FCMR: variants seen among roughly 807,000 people sequenced by gnomAD.
FCMR encodes immunoglobulin mu Fc receptor.
Under a neutral mutation model 41.6 loss-of-function variants are expected in FCMR, and 34 were observed. That is an observed-to-expected ratio of 0.82 (90% confidence interval 0.62 to 1.09). The LOEUF (loss-of-function observed/expected upper bound fraction) is 1.09. Among genes scored for constraint, FCMR ranks in the 50% least tolerant of loss-of-function variants. FCMR has a pLI of 0.00. For synonymous variants in FCMR, 209 were observed against 211.8 expected, an observed-to-expected ratio of 0.99 and a Z score of 0.12; for missense variants, 496 against 512.5, an observed-to-expected ratio of 0.97 and a Z score of 0.31.
rs1299092629 is a variant in FCMR at position 206,909,428 on chromosome 1, C to G, written c.1044+34G>C. ...CAGGGCTGGGGCCGCCCAGTCGGGC[C>G]GCGGCTGCCAATCAGGGCAGGAGCG... On this transcript the variant is annotated intron_variant, in intron 7 of 7. Coordinates refer to ENST00000367091, the MANE Select transcript of FCMR (RefSeq NM_005449.5). This position sits in a 1 kb window ranked among gnomAD's most constrained non-coding sequence, Gnocchi z 5.0. 4.9e-6 allele frequency: 6 copies of G among 1,217,560 alleles called. No homozygotes were observed. Among genetic ancestry groups the G allele is most frequent in the Non-Finnish European group, 6.2e-6 (6 of 972,994 alleles). The allele number at this position is 1,217,560 out of a possible 1,614,324, so 75.4% of individuals were successfully genotyped here. A position where few individuals can be genotyped will look rare whatever the true frequency, so the allele number is the denominator to read the frequency against.
Position 206,921,916 on chromosome 1 carries a change from G to C in FCMR, c.-62C>G, listed in dbSNP as rs1679456978. The C allele has an allele frequency of 6.9e-7, 1 of 1,454,408 alleles. No homozygotes were observed. Among genetic ancestry groups the C allele is most frequent in the Non-Finnish European group, 9.7e-7 (1 of 1,035,312 alleles). 90.1% of individuals were successfully genotyped at this position (1,454,408 alleles called of 1,614,324 possible). On this transcript the variant is annotated 5_prime_UTR_variant, in exon 1 of 8. Transcript: ENST00000367091. ...CTAGAGAGGGGGATGGAGACACGCTGCTTACTCAGGAACCCTTCACAATCT... is the reference window on the plus strand; with the variant it reads ...CTAGAGAGGGGGATGGAGACACGCTCCTTACTCAGGAACCCTTCACAATCT...
chr1:206,907,811 A>C (rs1333729429), intron 7 of FCMR: 7 of 1,396,538 alleles, frequency 5.0e-6, no homozygotes, highest in Non-Finnish European at 7.1e-6. Context: ...GATGAACACC[A>C]ACCCTTCCCG....
rs1299092629 is a variant in FCMR, at chr1:206,909,428, C to A, written c.1044+34G>T. On this transcript the variant is annotated intron_variant, in intron 7 of 7. Transcript: ENST00000367091. The surrounding 1 kb of genome is among the most constrained non-coding windows in gnomAD (Gnocchi z 5.0). ...CAGGGCTGGGGCCGCCCAGTCGGGCCGCGGCTGCCAATCAGGGCAGGAGCG... is the reference window on the plus strand; with the variant it reads ...CAGGGCTGGGGCCGCCCAGTCGGGCAGCGGCTGCCAATCAGGGCAGGAGCG... 5.7e-6 allele frequency: 7 copies of A among 1,217,450 alleles called. No individual in the cohort carries two copies. In the South Asian group the frequency reaches 2.0e-4, roughly 34 times the overall value. The allele number at this position is 1,217,450 out of a possible 1,614,324, so 75.4% of individuals were successfully genotyped here.
rs1460055453 is a variant in FCMR, at chr1:206,919,836, G to A, written c.37+1982C>T. ...CTCTTCCTCCTCAGGCCTAAGTTTA[G>A]TTAACCAACCACCGTGCCCTCCTAT... On this transcript the variant is annotated intron_variant, in intron 1 of 7. Coordinates refer to ENST00000367091, the MANE Select transcript of FCMR (RefSeq NM_005449.5). Among the ~76,000 whole-genome samples the A allele has an allele frequency of 2.0e-5, 3 of 152,140 alleles. No homozygotes were observed. In the East Asian group the frequency reaches 5.8e-4, roughly 29 times the overall value.
At chr1:206,911,535 A>C (rs971526392) in intron 4 of FCMR, among the ~76,000 whole-genome samples, 195 bp downstream of exon 4, 1 of 152,222 alleles carries the variant, frequency 6.6e-6, no homozygotes, top group South Asian at 2.1e-4. Flanking sequence ...TTTCTACAGG[A>C]TCAATGCTGG....
In FCMR at chr1:206,909,657, C is replaced by G. The variant is rs1678831279; in HGVS notation, c.985+68G>C. The G allele has an allele frequency of 7.4e-7, 1 of 1,352,394 alleles. No individual in the cohort carries two copies. 83.8% of individuals were successfully genotyped at this position (1,352,394 alleles called of 1,614,324 possible). A position where few individuals can be genotyped will look rare whatever the true frequency, so the allele number is the denominator to read the frequency against. Reference sequence around the variant, plus strand: ...CCCTGGCACCTGGGAGCGCGCCCCGCTGCGCCCGGCTTTCCCGGAGCCAGC... The same window carrying G: ...CCCTGGCACCTGGGAGCGCGCCCCGGTGCGCCCGGCTTTCCCGGAGCCAGC... On this transcript the variant is annotated intron_variant, in intron 6 of 7. Transcript: ENST00000367091. This position sits in a 1 kb window ranked among gnomAD's most constrained non-coding sequence, Gnocchi z 5.0.
chr1:206,907,103 T>TGGGGGGGGGGGGGG (rs75679471), intron 7 of FCMR, among the ~76,000 whole-genome samples: 1 of 43,388 alleles, frequency 2.3e-5, no homozygotes, highest in Admixed American at 2.3e-4. Flanking sequence ...GGTGGGGGGG[T>TGGGGGGGGGGGGGG]GGGGGGGGGG....
chr1:206,904,831 G>A lies in FCMR; in HGVS notation c.*188C>T, dbSNP rs1332329285. The A allele has an allele frequency of 1.9e-5, 12 of 621,400 alleles. No homozygotes were observed. The Middle Eastern group carries it at 2.6e-3, about 137-fold the overall frequency. The allele number at this position is 621,400 out of a possible 1,614,324, so 38.5% of individuals were successfully genotyped here. Reference sequence around the variant, plus strand: ...CTGTCAACTACAGGGGGCTGCCAAGGTGTGCAAGACGACCTGGGGGCAGAG... The same window carrying A: ...CTGTCAACTACAGGGGGCTGCCAAGATGTGCAAGACGACCTGGGGGCAGAG... On this transcript the variant is annotated 3_prime_UTR_variant, in exon 8 of 8. Transcript: ENST00000367091.
chr1:206,918,753 A>G (rs912324040), intron 1 of FCMR, among the ~76,000 whole-genome samples: 1 of 151,380 alleles, frequency 6.6e-6, no homozygotes. Context: ...TCATTAGTCA[A>G]GGTAAAAAGG....
Position 206,921,328 on chromosome 1 carries a change from C to G in FCMR, c.37+490G>C, listed in dbSNP as rs1286395840. The G allele has an allele frequency of 1.3e-5, 5 of 384,292 alleles. No homozygotes were observed. The Admixed American group carries it at 1.4e-4, about 11-fold the overall frequency. The allele number at this position is 384,292 out of a possible 1,614,324, so 23.8% of individuals were successfully genotyped here. On this transcript the variant is annotated intron_variant, in intron 1 of 7. Coordinates refer to ENST00000367091, the MANE Select transcript of FCMR (RefSeq NM_005449.5). ...TTAAGAGTTAACACCTGGCTGGGCA[C>G]AGTGGCTCACACCTGTAATCCCAGC... is the stretch of plus-strand genomic sequence containing the variant.
intron 1 of FCMR, among the ~76,000 whole-genome samples, chr1:206,918,610 A>G (rs1235527158): frequency 6.6e-6 from 1 of 151,758 alleles, no homozygotes; most frequent in Non-Finnish European, 1.5e-5. Flanking sequence ...GCTGAAGCCT[A>G]GAACTCATCT....
At chr1:206,912,082 AG>A in intron 3 of FCMR, 130 bp from the exon 4 acceptor site, 1 of 691,696 alleles carries the variant, frequency 1.4e-6, no homozygotes, top group Non-Finnish European at 2.4e-6. Context: ...TGCAGTCCTC[AG>A]GGCCTAAAAT....
chr1:206,909,688 C>G lies in FCMR; in HGVS notation c.985+37G>C. 4 of 1,387,338 alleles carry G rather than the reference C, an allele frequency of 2.9e-6. No individual in the cohort carries two copies. Among genetic ancestry groups the G allele is most frequent in the Non-Finnish European group, 3.7e-6 (4 of 1,082,202 alleles). The allele number at this position is 1,387,338 out of a possible 1,614,324, so 85.9% of individuals were successfully genotyped here. Reference sequence around the variant, plus strand: ...CCGGCTTTCCCGGAGCCAGCGCACTCTTTCCGCTACTCCCCGTGGCCCGCC... The same window carrying G: ...CCGGCTTTCCCGGAGCCAGCGCACTGTTTCCGCTACTCCCCGTGGCCCGCC... On this transcript the variant is annotated intron_variant, in intron 6 of 7. Transcript: ENST00000367091. This position sits in a 1 kb window ranked among gnomAD's most constrained non-coding sequence, Gnocchi z 5.0.
At chr1:206,915,292 G>C (rs1679141260) in intron 1 of FCMR, among the ~76,000 whole-genome samples, 1 of 152,186 alleles carries the variant, frequency 6.6e-6, no homozygotes, top group African/African-American at 2.4e-5. Flanking sequence ...GATGTAGGCT[G>C]TTGCAGGGGG....
chr1:206,914,309 C>CT (rs1419892011), intron 1 of FCMR, among the ~76,000 whole-genome samples: 1 of 114,042 alleles, frequency 8.8e-6, no homozygotes, highest in South Asian at 2.9e-4. Context: ...TTTTTCTTTT[C>CT]TTTCCTTCCT....
rs1678816240 is a variant in FCMR, at chr1:206,909,376, G to A, written c.1044+86C>T. 1.4e-5 allele frequency: 11 copies of A among 773,024 alleles called. No homozygotes were observed. The highest frequency in any genetic ancestry group is 1.9e-5 in the Non-Finnish European group (11 of 568,112). The allele number at this position is 773,024 out of a possible 1,614,324, so 47.9% of individuals were successfully genotyped here. On this transcript the variant is annotated intron_variant, in intron 7 of 7. Coordinates refer to ENST00000367091, the MANE Select transcript of FCMR (RefSeq NM_005449.5). The surrounding 1 kb of genome is among the most constrained non-coding windows in gnomAD (Gnocchi z 5.0). ...CTCTCCGGATCGCGGCGGCGGCGGC[G>A]CGGGAAGCCACACTCGGGTCCCCGC...
Position 206,909,112 on chromosome 1 carries a change from C to T in FCMR, c.1044+350G>A, listed in dbSNP as rs141241172. On this transcript the variant is annotated intron_variant, in intron 7 of 7. Coordinates refer to ENST00000367091, the MANE Select transcript of FCMR (RefSeq NM_005449.5). This position sits in a 1 kb window ranked among gnomAD's most constrained non-coding sequence, Gnocchi z 5.0. Reference sequence around the variant, plus strand: ...GGTAGCTTCCACCTCCCTAGGACCCCCTAGAAATCTAATCTCCTCCACGAG... The same window carrying T: ...GGTAGCTTCCACCTCCCTAGGACCCTCTAGAAATCTAATCTCCTCCACGAG... 4.6e-5 allele frequency among the ~76,000 whole-genome samples: 7 copies of T among 152,296 alleles called. No individual in the cohort carries two copies. In the East Asian group the frequency reaches 1.4e-3, roughly 29 times the overall value.
rs1678988293 is a variant in FCMR at position 206,912,573 on chromosome 1, G to A, written c.487+356C>T. ...TAGAAGACAGCCCTACGGGAAGCAC[G>A]AGACATGATGATCTCCAGCTGGGAA... On this transcript the variant is annotated intron_variant, in intron 3 of 7. Transcript: ENST00000367091. Among the ~76,000 whole-genome samples the A allele has an allele frequency of 2.0e-5, 3 of 152,332 alleles. No individual in the cohort carries two copies. In the South Asian group the frequency reaches 6.2e-4, roughly 32 times the overall value.
At chr1:206,921,548 C>T in intron 1 of FCMR, 1 of 534,944 alleles carries the variant, frequency 1.9e-6, no homozygotes, top group Non-Finnish European at 3.4e-6. Context: ...CTGCAGTGAG[C>T]CATGATCACA....
Sources: allele counts gnomAD v4.1 joint callset (sites outside exome capture counted in the v4.1 genomes callset), GRCh38; gene constraint gnomAD v4.1.1; non-coding constraint Gnocchi (gnomAD v3.1); transcripts MANE v1.5; gene names NCBI Gene and HGNC (gene_info 2026-07-23, HGNC 2026-07-21).